GREM2: variants seen among roughly 807,000 people sequenced by gnomAD.
GREM2 encodes gremlin 2, DAN family BMP antagonist.
GREM2 carries 11 observed loss-of-function variants against 14.2 expected under a neutral mutation model. The observed-to-expected ratio is 0.78, with a 90% confidence interval of 0.49 to 1.28. The LOEUF is 1.28. GREM2 is among the 50% of genes most tolerant of loss of function. The probability of loss-of-function intolerance (pLI) is 0.00; values close to 1 mark genes in which losing one functional copy is unlikely to be tolerated. For synonymous variants in GREM2, 98 were observed against 97.6 expected, an observed-to-expected ratio of 1.00 and a Z score of -0.02; for missense variants, 210 against 218.5, an observed-to-expected ratio of 0.96 and a Z score of 0.24.
In GREM2 at chr1:240,543,059, C is replaced by T. The variant is rs1678628268; in HGVS notation, c.-1-49583G>A. Among the ~76,000 whole-genome samples, 1 of 152,158 alleles carries T rather than the reference C, an allele frequency of 6.6e-6. No homozygotes were observed. ...CCTCTGGGAAGCCTCCCAAAATGTC[C>T]TAGGCTGCTCTCCTTCTGAGGTTTC... On this transcript the variant is annotated intron_variant, in intron 1 of 1. Coordinates refer to ENST00000318160, the MANE Select transcript of GREM2 (RefSeq NM_022469.4). This position sits in a 1 kb window ranked among gnomAD's most constrained non-coding sequence, Gnocchi z 6.4.
intron 1 of GREM2, among the ~76,000 whole-genome samples, chr1:240,571,321 A>G (rs1679256974): frequency 6.6e-6 from 1 of 152,182 alleles, no homozygotes; most frequent in Non-Finnish European, 1.5e-5. Flanking sequence ...GTAAAACAAG[A>G]AAGGTTTGAA....
chr1:240,605,497 A>C (rs1388752334), intron 1 of GREM2, among the ~76,000 whole-genome samples: 1 of 152,080 alleles, frequency 6.6e-6, no homozygotes, highest in Non-Finnish European at 1.5e-5. Context: ...AAAACAAACA[A>C]ACAAACAAAT....
At chr1:240,495,762 A>G (rs1677398810) in intron 1 of GREM2, among the ~76,000 whole-genome samples, 1 of 152,062 alleles carries the variant, frequency 6.6e-6, no homozygotes, top group Admixed American at 6.6e-5. Context: ...ATCTATGCTA[A>G]AATTATTTCT....
intron 1 of GREM2, among the ~76,000 whole-genome samples, chr1:240,581,259 A>G (rs1428825873): frequency 6.6e-6 from 1 of 152,006 alleles, no homozygotes; most frequent in African/African-American, 2.4e-5. Flanking sequence ...TCAAAAAAAA[A>G]AAAAAAAGAG....
At chr1:240,601,942 T>G (rs1280790283) in intron 1 of GREM2, among the ~76,000 whole-genome samples, 1 of 151,048 alleles carries the variant, frequency 6.6e-6, no homozygotes, top group Non-Finnish European at 1.5e-5. Flanking sequence ...GGATATTGTG[T>G]GTTAAAATAC....
chr1:240,520,928 A>G (rs959308676), intron 1 of GREM2, among the ~76,000 whole-genome samples: 2 of 151,022 alleles, frequency 1.3e-5, no homozygotes, highest in Non-Finnish European at 3.0e-5. Context: ...AAAAAAAAAA[A>G]GCATTTTAGT....
At chr1:240,575,982 C>A (rs564365362) in intron 1 of GREM2, among the ~76,000 whole-genome samples, 4 of 150,360 alleles carry the variant, frequency 2.7e-5, no homozygotes, top group Admixed American at 2.0e-4. Flanking sequence ...AATGGTAAAA[C>A]CCGAGAAAGA....
At chr1:240,585,598 C>T (rs957974306) in intron 1 of GREM2, among the ~76,000 whole-genome samples, 8 of 151,454 alleles carry the variant, frequency 5.3e-5, no homozygotes, top group Non-Finnish European at 1.0e-4. Flanking sequence ...GGCGTGGTGG[C>T]GGGCGCCTGT....
chr1:240,608,241 ATG>A (rs1457548994), intron 1 of GREM2, among the ~76,000 whole-genome samples: 1 of 152,244 alleles, frequency 6.6e-6, no homozygotes, highest in Admixed American at 6.5e-5. Flanking sequence ...CATTCAACAA[ATG>A]TTAGAACAAT....
intron 1 of GREM2, among the ~76,000 whole-genome samples, chr1:240,529,240 T>C (rs1209677890): frequency 8.4e-5 from 2 of 23,908 alleles, no homozygotes; most frequent in East Asian, 4.1e-3. Flanking sequence ...GTGGATAGGC[T>C]TTTTTTTTTT....
At chr1:240,504,679 G>A (rs1335975889) in intron 1 of GREM2, among the ~76,000 whole-genome samples, 1 of 152,144 alleles carries the variant, frequency 6.6e-6, no homozygotes, top group Non-Finnish European at 1.5e-5. Flanking sequence ...TGACTAATCA[G>A]TTCCTTTTGC....
intron 1 of GREM2, among the ~76,000 whole-genome samples, chr1:240,541,865 G>T (rs531267934): frequency 6.6e-6 from 1 of 152,274 alleles, no homozygotes; most frequent in Non-Finnish European, 1.5e-5. Context: ...ACTGGTCCTA[G>T]GCTGAGTGCA....
chr1:240,600,764 G>T (rs991790373), intron 1 of GREM2, among the ~76,000 whole-genome samples: 1 of 152,126 alleles, frequency 6.6e-6, no homozygotes, highest in Non-Finnish European at 1.5e-5. Flanking sequence ...GATTACAGGC[G>T]TGAGCCACCG....
intron 1 of GREM2, among the ~76,000 whole-genome samples, chr1:240,521,229 T>A (rs1440373007): frequency 1.3e-5 from 2 of 152,270 alleles, no homozygotes; most frequent in East Asian, 3.9e-4. Flanking sequence ...GACCTTAATA[T>A]GTTCTCTCTT....
intron 1 of GREM2, among the ~76,000 whole-genome samples, chr1:240,571,265 G>C (rs1194058572): frequency 1.3e-5 from 2 of 152,118 alleles, no homozygotes; most frequent in African/African-American, 4.8e-5. Context: ...TATACATCTA[G>C]GTTTATTCTA....
At chr1:240,539,044 A>G (rs1678535962) in intron 1 of GREM2, among the ~76,000 whole-genome samples, 1 of 152,210 alleles carries the variant, frequency 6.6e-6, no homozygotes, top group African/African-American at 2.4e-5. Context: ...GGGCTGAGAC[A>G]CCATCTCATG....
chr1:240,584,357 T>C (rs1679547894), intron 1 of GREM2, among the ~76,000 whole-genome samples: 2 of 151,804 alleles, frequency 1.3e-5, no homozygotes. Context: ...TAGCCAGGCA[T>C]GCTGGTGGGT....
At chr1:240,595,083 C>A (rs919426444) in intron 1 of GREM2, among the ~76,000 whole-genome samples, 8 of 152,102 alleles carry the variant, frequency 5.3e-5, no homozygotes, top group Non-Finnish European at 1.0e-4. Context: ...TGAGTTAGCC[C>A]ATATAAAAAA....
At chr1:240,532,936 A>G (rs1325166062) in intron 1 of GREM2, among the ~76,000 whole-genome samples, 1 of 152,218 alleles carries the variant, frequency 6.6e-6, no homozygotes, top group Non-Finnish European at 1.5e-5. Context: ...AAGTCATTTA[A>G]GTTTTCTGAG....
Sources: gnomAD v4.1 joint callset for allele counts (sites outside exome capture counted in the v4.1 genomes callset) on GRCh38, gnomAD v4.1.1 for gene constraint, Gnocchi (gnomAD v3.1) non-coding constraint, MANE v1.5 for transcripts, NCBI Gene and HGNC (gene_info 2026-07-23, HGNC 2026-07-21) for gene names.